Variants in PLCE1 observed in about 807,000 individuals in gnomAD.
PLCE1 encodes the protein phospholipase C epsilon 1.
In PLCE1, 119 loss-of-function variants were observed where a neutral mutation model predicts 242.8. The ratio of observed to expected loss-of-function variants is 0.49; its 90% CI spans 0.42 to 0.57. The LOEUF (loss-of-function observed/expected upper bound fraction) is 0.57, where lower values mean the gene tolerates loss of function less well. Among genes scored for constraint, PLCE1 ranks in the 20% least tolerant of loss-of-function variants. The pLI is 0.00. For synonymous variants in PLCE1, 945 were observed against 1,017.4 expected (o/e 0.93, Z 1.35); for missense variants, 2,441 against 2,788.8 (o/e 0.88, Z 2.81).
In PLCE1 at chr10:94,269,032, TC is replaced by T; in HGVS notation, c.4386del (p.Phe1462LeufsTer49). 6.6e-7 allele frequency: 1 copy of T among 1,516,574 alleles called. No individual in the cohort carries two copies. 93.9% of individuals were successfully genotyped at this position (1,516,574 alleles called of 1,614,324 possible). On this transcript the variant is annotated frameshift_variant, in exon 17 of 33. Transcript: ENST00000371380. LOFTEE classifies it high-confidence loss of function. ...HGHTLTTKIP[F>X]KEVVEAIDRS... ...CATACGCTGACAACCAAGATCCCCT[TC>T]AAGGTAATCCTTCATAACTTTCTTT...
intron 3 of PLCE1, chr10:94,138,460 T>C (rs2046853966): frequency 1.1e-5 from 5 of 436,186 alleles, no homozygotes; most frequent in Non-Finnish European, 1.8e-5. Flanking sequence ...GGATTGATAA[T>C]GAATCCTGTG....
chr10:94,280,195 T>G (rs1187747000), intron 20 of PLCE1: 1 of 458,684 alleles, frequency 2.2e-6, no homozygotes, highest in Non-Finnish European at 4.0e-6. Context: ...AAACCCTGTT[T>G]TCACCCTTTA....
chr10:94,121,059 C>A (rs1311887335), intron 2 of PLCE1: 2 of 152,240 alleles, frequency 1.3e-5, no homozygotes, highest in African/African-American at 4.8e-5. Flanking sequence ...CTGATATTGA[C>A]CAAGAGGATT....
At position 94,132,435 on chromosome 10, in the gene PLCE1, T is replaced by A; in HGVS notation, c.1468T>A (p.Ser490Thr). ...RSGLLSTFGG[S>T]TGRMMLKERQ... ...TGGCCTTCTCAGTACTTTTGGAGGA[T>A]CCACTGGACGAATGATGCTGAAAGG... Residue 490 changes from serine to threonine, a missense_variant, in exon 3 of 33, where the codon TCC becomes ACC. Ser to Thr is a moderately conservative substitution (Grantham distance 58). Coordinates refer to ENST00000371380, the MANE Select transcript of PLCE1 (RefSeq NM_016341.4). 6.2e-7 allele frequency: 1 copy of A among 1,614,084 alleles called. No individual in the cohort carries two copies.
At chr10:94,204,599 G>A (rs1037134221) in intron 4 of PLCE1, among the ~76,000 whole-genome samples, 4 of 152,120 alleles carry the variant, frequency 2.6e-5, no homozygotes, top group East Asian at 1.9e-4. Flanking sequence ...CCCAGGTGGC[G>A]GAGGTTACAG....
chr10:94,098,906 G>A (rs938548749), intron 2 of PLCE1, among the ~76,000 whole-genome samples: 4 of 152,202 alleles, frequency 2.6e-5, no homozygotes, highest in African/African-American at 9.6e-5. Context: ...GTGCCAGGCT[G>A]TGCAAGGGCA....
At chr10:94,309,476 G>A (rs2133685648) in intron 27 of PLCE1, among the ~76,000 whole-genome samples, 1 of 152,246 alleles carries the variant, frequency 6.6e-6, no homozygotes, top group African/African-American at 2.4e-5. Context: ...GACTACAGGT[G>A]TGTGCCACTA....
intron 8 of PLCE1, among the ~76,000 whole-genome samples, chr10:94,250,979 A>G (rs2050853910): frequency 2.6e-5 from 4 of 152,110 alleles, no homozygotes; most frequent in Admixed American, 2.6e-4. Context: ...CTGATCTCCA[A>G]CCATTTTCAT....
chr10:94,014,178 C>T lies in PLCE1; in HGVS notation c.-364-16505C>T, dbSNP rs973002824. ...TCTCAAGGGGTCCCTTAGGATTAAA[C>T]TTCACTTTCCTCTGGGTCAACAGGA... On this transcript the variant is annotated intron_variant, in intron 1 of 32. Transcript: ENST00000371380. Among the ~76,000 whole-genome samples, 7 of 152,300 alleles carry T rather than the reference C, an allele frequency of 4.6e-5. No individual in the cohort carries two copies. In the East Asian group the frequency reaches 1.2e-3, roughly 25 times the overall value.
chr10:94,326,682 T>TA (rs1240709103), intron 32 of PLCE1, among the ~76,000 whole-genome samples: 2 of 152,214 alleles, frequency 1.3e-5, no homozygotes, highest in Non-Finnish European at 2.9e-5. Flanking sequence ...GCTAATTGCT[T>TA]ATATTTTAGG....
intron 1 of PLCE1, among the ~76,000 whole-genome samples, chr10:93,994,790 G>T (rs1429678835): frequency 6.6e-6 from 1 of 152,218 alleles, no homozygotes; most frequent in Non-Finnish European, 1.5e-5. Flanking sequence ...GCGTAAATTT[G>T]TGGAAGCTTT....
At chr10:94,302,659 C>T (rs558728999) in intron 24 of PLCE1, among the ~76,000 whole-genome samples, 4 of 152,212 alleles carry the variant, frequency 2.6e-5, no homozygotes, top group South Asian at 2.1e-4. Flanking sequence ...CATCTGGGCT[C>T]GATTTATAGC....
chr10:94,114,377 GTGTCCACCCAGGA>G (rs1219061109), intron 2 of PLCE1, among the ~76,000 whole-genome samples: 1 of 152,194 alleles, frequency 6.6e-6, no homozygotes, highest in Non-Finnish European at 1.5e-5. Flanking sequence ...ATTGGAGACT[GTGTCCACCCAGGA>G]TCTCAGGCTA....
intron 29 of PLCE1, among the ~76,000 whole-genome samples, chr10:94,320,276 TGGA>T (rs1192142120): frequency 6.6e-6 from 1 of 152,036 alleles, no homozygotes; most frequent in East Asian, 1.9e-4. Flanking sequence ...CATTATATAA[TGGA>T]GTATTCATTC....
In PLCE1 at chr10:94,304,664, G is replaced by A. The variant is rs370992689; in HGVS notation, c.5622+19G>A. The A allele has an allele frequency of 4.0e-5, 64 of 1,612,856 alleles. No homozygotes were observed. The African/African-American group carries it at 6.7e-4, about 17-fold the overall frequency. ...TTTAACTGTAAGTACGGCCCCTAGA[G>A]AAAGAACATAAGGTCGGGTTTAAGC... is the stretch of plus-strand genomic sequence containing the variant. On this transcript the variant is annotated intron_variant, in intron 25 of 32. Transcript: ENST00000371380.
chr10:94,215,409 C>T (rs1182206057), intron 4 of PLCE1, among the ~76,000 whole-genome samples: 1 of 152,174 alleles, frequency 6.6e-6, no homozygotes. Flanking sequence ...GCTCCATCTG[C>T]AGTGGCAAAG....
intron 25 of PLCE1, among the ~76,000 whole-genome samples, chr10:94,304,878 T>G (rs1328248488): frequency 4.6e-5 from 7 of 152,186 alleles, no homozygotes; most frequent in Non-Finnish European, 4.4e-5. Flanking sequence ...GGTCCCTGTT[T>G]CACCTGATGT....
chr10:94,274,854 G>A (rs1409049143), intron 19 of PLCE1, among the ~76,000 whole-genome samples: 1 of 152,070 alleles, frequency 6.6e-6, no homozygotes, highest in African/African-American at 2.4e-5. Flanking sequence ...ATGCTGATGG[G>A]CCTTGTTACA....
At position 94,236,048 on chromosome 10, in the gene PLCE1, C is replaced by G; in HGVS notation, c.2348C>G (p.Thr783Arg). 1.9e-6 allele frequency: 3 copies of G among 1,614,064 alleles called. No homozygotes were observed. Among genetic ancestry groups the G allele is most frequent in the Non-Finnish European group, 2.5e-6 (3 of 1,179,980 alleles). The change falls in exon 7 of 33, where the codon ACA becomes AGA. Residue 783 changes from threonine (T) to arginine (R), a missense_variant. Transcript: ENST00000371380. ...CGGAGCTGCAATCGAAGTCTGGAGA[C>G]AGACGAGGAGGACAGCCCCAGTGAA... is the stretch of plus-strand genomic sequence containing the variant. The part of the protein sequence containing the change: ...VIRSCNRSLE[T>R]DEEDSPSEGN...
Sources: allele counts gnomAD v4.1 joint callset (sites outside exome capture counted in the v4.1 genomes callset), GRCh38; gene constraint gnomAD v4.1.1; transcripts MANE v1.5; gene names NCBI Gene and HGNC (gene_info 2026-07-23, HGNC 2026-07-21).